Variants in TACC2 observed in about 807,000 individuals in gnomAD.
TACC2 encodes transforming acidic coiled-coil containing protein 2, also known as transforming acidic coiled-coil-containing protein 2.
Under a neutral mutation model 227.3 loss-of-function variants are expected in TACC2, and 137 were observed. That is an observed-to-expected ratio of 0.60 (90% CI 0.52 to 0.69). The LOEUF is 0.69. TACC2 is among the 30% of genes least tolerant of loss of function. The probability of loss-of-function intolerance (pLI) is 0.00; values close to 1 mark genes in which losing one functional copy is unlikely to be tolerated. For synonymous variants in TACC2, 1,523 were observed against 1,487.5 expected (o/e 1.02, Z -0.55); for missense variants, 3,470 against 3,694.4 (o/e 0.94, Z 1.57).
chr10:122,058,885 C>T (rs541554825), intron 3 of TACC2, among the ~76,000 whole-genome samples: 2 of 126,770 alleles, frequency 1.6e-5, no homozygotes, highest in Non-Finnish European at 3.3e-5. Context: ...AGCCCAGCCC[C>T]CTCTGTGTGT....
At chr10:121,989,860 T>G (rs570978082) in intron 1 of TACC2, among the ~76,000 whole-genome samples, 47 of 152,026 alleles carry the variant, frequency 3.1e-4, no homozygotes, top group African/African-American at 1.1e-3. Context: ...TGGGCTCAAG[T>G]GATTCTCCTG....
chr10:122,129,950 A>G (rs915233336), intron 5 of TACC2, among the ~76,000 whole-genome samples: 1 of 152,186 alleles, frequency 6.6e-6, no homozygotes, highest in African/African-American at 2.4e-5. Context: ...CGCACTGTCA[A>G]TGCCAAAGGC....
chr10:122,191,516 GA>G (rs1047501684), intron 7 of TACC2, among the ~76,000 whole-genome samples: 22 of 149,662 alleles, frequency 1.5e-4, no homozygotes, highest in East Asian at 5.8e-4. Flanking sequence ...TGATGAGCTG[GA>G]AAAAAAAAAT....
intron 8 of TACC2, among the ~76,000 whole-genome samples, chr10:122,195,967 C>T (rs1014039928): frequency 2.6e-5 from 4 of 152,204 alleles, no homozygotes; most frequent in Non-Finnish European, 4.4e-5. Context: ...GGCCCACAGC[C>T]TTCCCGTGTG....
intron 16 of TACC2, 123 bp downstream of exon 16, chr10:122,230,563 C>T (rs2095717953): frequency 1.2e-6 from 1 of 839,434 alleles, no homozygotes; most frequent in Non-Finnish European, 1.9e-6. Context: ...AGAGTCGTTT[C>T]CAAAAAGCTG....
chr10:122,164,227 G>C (rs1007071171), intron 7 of TACC2, among the ~76,000 whole-genome samples: 1 of 152,228 alleles, frequency 6.6e-6, no homozygotes, highest in African/African-American at 2.4e-5. Context: ...TCGCTCAGCA[G>C]TGGGTGCATG....
chr10:122,033,060 C>T, intron 2 of TACC2: 1 of 1,272,248 alleles, frequency 7.9e-7, no homozygotes, highest in Non-Finnish European at 1.0e-6. Context: ...TTCCCTGCGA[C>T]CTGTCCTAAC....
intron 5 of TACC2, among the ~76,000 whole-genome samples, chr10:122,118,017 T>TC (rs958090845): frequency 6.2e-5 from 9 of 146,334 alleles, no homozygotes; most frequent in African/African-American, 2.0e-4. Context: ...CTCTTTTTCT[T>TC]TTTTTTTTTT....
chr10:122,068,262 G>GA (rs2077602822), intron 3 of TACC2, among the ~76,000 whole-genome samples: 5 of 151,914 alleles, frequency 3.3e-5, no homozygotes, highest in South Asian at 2.1e-4. Context: ...TATAATTCTG[G>GA]AAAAAAAGTC....
At chr10:122,042,032 A>G (rs1313471964) in intron 2 of TACC2, among the ~76,000 whole-genome samples, 11 of 150,190 alleles carry the variant, frequency 7.3e-5, no homozygotes, top group South Asian at 2.1e-4. Flanking sequence ...TGCAAGCTCC[A>G]CCTCCCAGGT....
chr10:122,035,854 T>C (rs1960136259), intron 2 of TACC2, among the ~76,000 whole-genome samples: 1 of 152,088 alleles, frequency 6.6e-6, no homozygotes, highest in Non-Finnish European at 1.5e-5. Context: ...ATTCTGTCGC[T>C]GAGGATGGAG....
intron 3 of TACC2, among the ~76,000 whole-genome samples, chr10:122,079,673 G>A (rs1024280674): frequency 7.2e-5 from 11 of 152,354 alleles, no homozygotes; most frequent in African/African-American, 2.2e-4. Context: ...ATGGGGCTGG[G>A]GGAAGAGGCT....
chr10:122,154,605 C>T (rs905216895), intron 7 of TACC2, among the ~76,000 whole-genome samples: 1 of 152,154 alleles, frequency 6.6e-6, no homozygotes, highest in Non-Finnish European at 1.5e-5. Flanking sequence ...AGATTTTCTT[C>T]CCATGTACAC....
At position 122,085,688 on chromosome 10, in the gene TACC2, T is replaced by TGGCGCCCGCCAGCCCC; in HGVS notation, c.3191_3206dup (p.Val1070AlafsTer19). Reference sequence around the variant, plus strand: ...GATGCAGTTCCCTGCCTGCCAGCCCTGGCGCCCGCCAGCCCCGGAGTCACA... The same window carrying TGGCGCCCGCCAGCCCC: ...GATGCAGTTCCCTGCCTGCCAGCCCTGGCGCCCGCCAGCCCCGGCGCCCGCCAGCCCCGGAGTCACA... On this transcript the variant is annotated frameshift_variant, in exon 4 of 23. Coordinates refer to ENST00000369005, the MANE Select transcript of TACC2 (RefSeq NM_206862.4). LOFTEE classifies it high-confidence loss of function. 2 of 1,613,652 alleles carry TGGCGCCCGCCAGCCCC rather than the reference T, an allele frequency of 1.2e-6. No homozygotes were observed. The highest frequency in any genetic ancestry group is 1.7e-6 in the Non-Finnish European group (2 of 1,179,996).
At chr10:122,164,115 C>A in intron 7 of TACC2, 3 of 1,213,284 alleles carry the variant, frequency 2.5e-6, no homozygotes, top group Admixed American at 2.2e-5. Flanking sequence ...TGGGGTTCTT[C>A]GCAGCCTTGG....
At position 122,194,343 on chromosome 10, in the gene TACC2, C is replaced by G. The variant is rs1198720228; in HGVS notation, c.5835-697C>G. Among the ~76,000 whole-genome samples, 9 of 152,192 alleles carry G rather than the reference C, an allele frequency of 5.9e-5. No individual in the cohort carries two copies. The highest frequency in any genetic ancestry group is 5.9e-4 in the Admixed American group (9 of 15,292). On this transcript the variant is annotated intron_variant, in intron 7 of 22. Transcript: ENST00000369005. This position sits in a 1 kb window ranked among gnomAD's most constrained non-coding sequence, Gnocchi z 4.4. ...CTGGGTGAAGAGTCTTCCTTGAGAA[C>G]AGACTTTCCTGCAGACCAGCGAGGG...
At chr10:122,005,354 G>A (rs1462298416) in intron 1 of TACC2, among the ~76,000 whole-genome samples, 2 of 148,692 alleles carry the variant, frequency 1.3e-5, no homozygotes. Flanking sequence ...AAAGTGCTGG[G>A]ATTACAGGTG....
intron 3 of TACC2, among the ~76,000 whole-genome samples, chr10:122,069,539 G>A (rs764758507): frequency 1.2e-4 from 19 of 152,062 alleles, no homozygotes; most frequent in Admixed American, 3.9e-4. Context: ...ACTGCGCCTG[G>A]CCCCCATTGT....
chr10:122,095,751 C>T (rs117387373), intron 5 of TACC2, among the ~76,000 whole-genome samples: 360 of 152,342 alleles, frequency 2.4e-3, no homozygotes, highest in Non-Finnish European at 4.0e-3. Flanking sequence ...CGCTGTCCAC[C>T]GACGGTTCTT....
Sources: gnomAD v4.1 joint callset for allele counts (sites outside exome capture counted in the v4.1 genomes callset) on GRCh38, gnomAD v4.1.1 for gene constraint, Gnocchi (gnomAD v3.1) non-coding constraint, MANE v1.5 for transcripts, NCBI Gene and HGNC (gene_info 2026-07-23, HGNC 2026-07-21) for gene names.